The following CCDC146 variants were observed in gnomAD, a reference collection of about 807,000 sequenced individuals.
CCDC146 encodes coiled-coil domain containing 146, also known as coiled-coil domain-containing protein 146.
CCDC146 carries 92 observed loss-of-function variants against 119.3 expected under a neutral mutation model. The observed-to-expected ratio is 0.77, with a 90% CI of 0.65 to 0.92. CCDC146 has a LOEUF of 0.92. Ranked by LOEUF, CCDC146 falls within the 40% of genes least tolerant of loss-of-function variation. The probability of loss-of-function intolerance (pLI) is 0.00; values close to 1 mark genes in which losing one functional copy is unlikely to be tolerated. For missense variants in CCDC146, 1,000 were observed against 1,103.0 expected, an observed-to-expected ratio of 0.91 and a Z score of 1.32; for synonymous variants, 372 against 371.8, an observed-to-expected ratio of 1.00 and a Z score of -0.01.
intron 3 of CCDC146, among the ~76,000 whole-genome samples, chr7:77,238,437 GAC>G (rs1792780142): frequency 6.6e-6 from 1 of 151,420 alleles, no homozygotes; most frequent in South Asian, 2.1e-4. Flanking sequence ...TTTTTTTTTA[GAC>G]AGAGTCTCCC....
At chr7:77,127,503 C>G (rs1381690347) in intron 1 of CCDC146, among the ~76,000 whole-genome samples, 1 of 152,122 alleles carries the variant, frequency 6.6e-6, no homozygotes, top group East Asian at 1.9e-4. Flanking sequence ...ATTCAACTTG[C>G]TAAATTTGTG....
rs1306217361 is a variant in CCDC146, at chr7:77,278,949, T to A, written c.1542T>A (p.Phe514Leu). 1.2e-6 allele frequency: 2 copies of A among 1,608,944 alleles called. No individual in the cohort carries two copies. The highest frequency in any genetic ancestry group is 2.2e-5 in the South Asian group (2 of 89,614). Residue 514 changes from phenylalanine (F) to leucine (L), a missense_variant, in exon 13 of 19, where the codon TTT becomes TTA. By Grantham distance (22) the Phe-to-Leu change is conservative. Transcript: ENST00000285871. ...KCEIYRRLREFAKLYDTIRNE... is the reference protein window; with the variant it reads ...KCEIYRRLRELAKLYDTIRNE... ...TGTATTTTTACAGACTGAGAGAGTTTGCTAAACTGTATGACACCATTCGAA... is the reference window on the plus strand; with the variant it reads ...TGTATTTTTACAGACTGAGAGAGTTAGCTAAACTGTATGACACCATTCGAA...
chr7:77,254,676 A>T (rs982532594), intron 5 of CCDC146, 113 bp downstream of exon 5: 19 of 589,778 alleles, frequency 3.2e-5, no homozygotes, highest in Non-Finnish European at 5.6e-5. Context: ...TAAAGACTCT[A>T]AAGTCTTAAC....
chr7:77,262,410 TACAA>T, intron 9 of CCDC146, 103 bp downstream of exon 9: 1 of 846,310 alleles, frequency 1.2e-6, no homozygotes, highest in East Asian at 2.7e-5. Flanking sequence ...AAGAAGAAAA[TACAA>T]GTAACAGAGA....
intron 1 of CCDC146, among the ~76,000 whole-genome samples, chr7:77,165,399 AGCAGCACAGATAGGCCAG>A (rs1161629476): frequency 6.6e-6 from 1 of 152,008 alleles, no homozygotes; most frequent in East Asian, 1.9e-4. Flanking sequence ...CATTCACATG[AGCAGCACAGATAGGCCAG>A]GCAGCAGTGT....
At chr7:77,243,367 A>G (rs1221087509) in intron 4 of CCDC146, among the ~76,000 whole-genome samples, 1 of 152,244 alleles carries the variant, frequency 6.6e-6, no homozygotes, top group Non-Finnish European at 1.5e-5. Context: ...TTGAATTTAT[A>G]ATGTATCATT....
chr7:77,142,979 A>G (rs538557894), intron 1 of CCDC146, among the ~76,000 whole-genome samples: 2 of 151,722 alleles, frequency 1.3e-5, no homozygotes, highest in Admixed American at 6.6e-5. Context: ...AGATCCTTGA[A>G]GAATCACCAC....
chr7:77,293,258 GCAACC>G, intron 18 of CCDC146, 58 bp downstream of exon 18: 1 of 1,579,414 alleles, frequency 6.3e-7, no homozygotes, highest in Non-Finnish European at 8.6e-7. Context: ...TTGCATTCAG[GCAACC>G]CACAGTTATC....
chr7:77,242,256 C>A, intron 4 of CCDC146: 2 of 408,936 alleles, frequency 4.9e-6, no homozygotes, highest in Non-Finnish European at 7.3e-6. Context: ...AGTACCAGAG[C>A]ACGCATCTGC....
Position 77,282,213 on chromosome 7 carries a change from G to C in CCDC146, c.1920-344G>C, listed in dbSNP as rs567807823. On this transcript the variant is annotated intron_variant, in intron 14 of 18. Transcript: ENST00000285871. ...AGGCCTTGGTTGGCAAGTCTGACCC[G>C]AGAAAAGGATCTGCAGAAAATCAGA... is the stretch of plus-strand genomic sequence containing the variant. The C allele has an allele frequency of 1.5e-5, 3 of 205,356 alleles. No individual in the cohort carries two copies. The Admixed American group carries it at 1.6e-4, about 11-fold the overall frequency. 12.7% of individuals were successfully genotyped at this position (205,356 alleles called of 1,614,324 possible).
intron 2 of CCDC146, among the ~76,000 whole-genome samples, chr7:77,220,849 C>T (rs1167444333): frequency 1.3e-5 from 2 of 152,094 alleles, no homozygotes; most frequent in East Asian, 1.9e-4. Flanking sequence ...CATTGAGTTG[C>T]AGAATGTATT....
chr7:77,130,067 A>C (rs536953170), intron 1 of CCDC146, among the ~76,000 whole-genome samples: 2 of 152,226 alleles, frequency 1.3e-5, no homozygotes, highest in East Asian at 3.9e-4. Flanking sequence ...TTAAGTGAAA[A>C]GGTGAAAGTT....
At chr7:77,143,924 TTAAAG>T (rs1180660113) in intron 1 of CCDC146, among the ~76,000 whole-genome samples, 1 of 151,830 alleles carries the variant, frequency 6.6e-6, no homozygotes, top group African/African-American at 2.4e-5. Flanking sequence ...CACATGAACT[TTAAAG>T]TAGTTTTTTC....
At chr7:77,266,141 G>C (rs946396263) in intron 9 of CCDC146, among the ~76,000 whole-genome samples, 1 of 152,312 alleles carries the variant, frequency 6.6e-6, no homozygotes, top group African/African-American at 2.4e-5. Flanking sequence ...AGAATATCAT[G>C]AGTCTGTGAA....
intron 2 of CCDC146, among the ~76,000 whole-genome samples, chr7:77,184,881 A>G (rs1383249660): frequency 1.2e-4 from 18 of 152,174 alleles, no homozygotes. Context: ...ACAGAAAGAG[A>G]TGTTTTACCT....
In CCDC146 at chr7:77,188,284, A is replaced by AATATTATGAGATATTTTG. The variant is rs1305506376; in HGVS notation, c.156+20464_156+20465insTATGAGATATTTTGATAT. On this transcript the variant is annotated intron_variant, in intron 2 of 18. Coordinates refer to ENST00000285871, the MANE Select transcript of CCDC146 (RefSeq NM_020879.3). ...TATTATGCATTGTATCCTCTATCAA[A>AATATTATGAGATATTTTG]ATATCTCATGTAGCGCATAAATATG... Among the ~76,000 whole-genome samples, 18 of 152,216 alleles carry AATATTATGAGATATTTTG rather than the reference A, an allele frequency of 1.2e-4. No homozygotes were observed. In the South Asian group the frequency reaches 3.3e-3, roughly 28 times the overall value.
intron 2 of CCDC146, among the ~76,000 whole-genome samples, chr7:77,225,992 GA>G (rs1398058845): frequency 6.6e-6 from 1 of 152,006 alleles, no homozygotes. Context: ...AGCTATTACT[GA>G]TGACTCAATG....
At chr7:77,235,458 C>T (rs2150481051) in intron 2 of CCDC146, among the ~76,000 whole-genome samples, 1 of 152,216 alleles carries the variant, frequency 6.6e-6, no homozygotes, top group South Asian at 2.1e-4. Context: ...AAAAGAGAGA[C>T]TCATACATCT....
chr7:77,212,430 G>T (rs1474068721), intron 2 of CCDC146, among the ~76,000 whole-genome samples: 1 of 151,848 alleles, frequency 6.6e-6, no homozygotes, highest in Non-Finnish European at 1.5e-5. Flanking sequence ...GACCATCCCG[G>T]CTAACATGGT....
Sources: gnomAD v4.1 joint callset for allele counts (sites outside exome capture counted in the v4.1 genomes callset) on GRCh38, gnomAD v4.1.1 for gene constraint, MANE v1.5 for transcripts, NCBI Gene and HGNC (gene_info 2026-07-23, HGNC 2026-07-21) for gene names.